Variants in LRRTM4 observed in about 807,000 individuals in gnomAD.
LRRTM4 encodes the protein leucine rich repeat transmembrane neuronal 4.
In LRRTM4, 25 loss-of-function variants were observed where a neutral mutation model predicts 47.6. The ratio of observed to expected loss-of-function variants is 0.53; its 90% CI spans 0.38 to 0.73. LRRTM4 has a LOEUF of 0.73. LRRTM4 is among the 30% of genes least tolerant of loss of function. LRRTM4 has a pLI of 0.00. For synonymous variants in LRRTM4, 311 were observed against 269.5 expected, an observed-to-expected ratio of 1.15 and a Z score of -1.51; for missense variants, 638 against 713.4, an observed-to-expected ratio of 0.89 and a Z score of 1.20.
intron 3 of LRRTM4, among the ~76,000 whole-genome samples, chr2:77,290,210 T>C (rs1301801799): frequency 6.6e-6 from 1 of 152,040 alleles, no homozygotes; most frequent in Admixed American, 6.6e-5. Context: ...CACTATATGA[T>C]ATTAATTCAA....
chr2:77,364,299 T>C (rs1672357242), intron 3 of LRRTM4, among the ~76,000 whole-genome samples: 1 of 152,082 alleles, frequency 6.6e-6, no homozygotes, highest in Non-Finnish European at 1.5e-5. Flanking sequence ...AAAAATTGAG[T>C]CTTCAAAATA....
At chr2:76,859,408 A>G (rs554785780) in intron 3 of LRRTM4, among the ~76,000 whole-genome samples, 1 of 152,316 alleles carries the variant, frequency 6.6e-6, no homozygotes, top group Non-Finnish European at 1.5e-5. Context: ...GATGTATTAT[A>G]TATTCAATAA....
chr2:76,866,710 G>A (rs1672479857), intron 3 of LRRTM4, among the ~76,000 whole-genome samples: 2 of 152,140 alleles, frequency 1.3e-5, no homozygotes, highest in South Asian at 4.1e-4. Flanking sequence ...TTTCCATGAT[G>A]TATATGTGTC....
intron 3 of LRRTM4, among the ~76,000 whole-genome samples, chr2:77,220,793 C>G (rs1558639962): frequency 6.6e-6 from 1 of 152,146 alleles, no homozygotes; most frequent in Non-Finnish European, 1.5e-5. Context: ...AGGATATTAT[C>G]CAAGAGAACT....
chr2:76,948,595 C>T (rs766860299), intron 3 of LRRTM4, among the ~76,000 whole-genome samples: 1 of 151,626 alleles, frequency 6.6e-6, no homozygotes, highest in Admixed American at 6.6e-5. Context: ...AACTTAATAA[C>T]AGCTCTTATA....
At chr2:76,802,323 A>G (rs1422262380) in intron 3 of LRRTM4, among the ~76,000 whole-genome samples, 3 of 152,068 alleles carry the variant, frequency 2.0e-5, no homozygotes, top group African/African-American at 7.2e-5. Flanking sequence ...GCATTTATAT[A>G]TACTAACAAC....
chr2:77,145,216 T>G (rs540768338), intron 3 of LRRTM4, among the ~76,000 whole-genome samples: 6 of 151,012 alleles, frequency 4.0e-5, no homozygotes, highest in Non-Finnish European at 4.4e-5. Context: ...TGTGTGTGTG[T>G]GTGTGTGTAT....
At chr2:77,112,274 T>C (rs1199546978) in intron 3 of LRRTM4, among the ~76,000 whole-genome samples, 2 of 152,228 alleles carry the variant, frequency 1.3e-5, no homozygotes, top group Non-Finnish European at 2.9e-5. Flanking sequence ...TTGTTTATGT[T>C]TTTCTTTCAA....
chr2:76,916,384 C>CAAAAAAAAAAAAAAAAAAAAAAAAAAAA (rs57874749), intron 3 of LRRTM4, among the ~76,000 whole-genome samples: 3 of 53,508 alleles, frequency 5.6e-5, no homozygotes, highest in African/African-American at 8.0e-5. Context: ...GACTGTGTCT[C>CAAAAAAAAAAAAAAAAAAAAAAAAAAAA]AAAAAAAAAA....
chr2:77,322,571 CAAT>C (rs1028894847), intron 3 of LRRTM4, among the ~76,000 whole-genome samples: 5 of 151,682 alleles, frequency 3.3e-5, no homozygotes. Flanking sequence ...ATTTTGTAGT[CAAT>C]GATAAAAACA....
intron 3 of LRRTM4, among the ~76,000 whole-genome samples, chr2:76,862,179 A>G (rs1672331547): frequency 6.6e-6 from 1 of 152,064 alleles, no homozygotes; most frequent in East Asian, 1.9e-4. Context: ...AAACAGAACT[A>G]TCATCTCTAA....
intron 3 of LRRTM4, among the ~76,000 whole-genome samples, chr2:77,201,600 A>T (rs1171181696): frequency 6.6e-6 from 1 of 152,164 alleles, no homozygotes; most frequent in African/African-American, 2.4e-5. Context: ...TTTTTCAAGT[A>T]GAAAAGACTA....
intron 3 of LRRTM4, among the ~76,000 whole-genome samples, chr2:77,484,500 T>G (rs568850792): frequency 1.5e-4 from 23 of 152,380 alleles, no homozygotes; most frequent in African/African-American, 4.6e-4. Flanking sequence ...GAGATTTGTC[T>G]GTGGTATGGG....
At chr2:77,431,832 T>C (rs1197778382) in intron 3 of LRRTM4, among the ~76,000 whole-genome samples, 1 of 148,838 alleles carries the variant, frequency 6.7e-6, no homozygotes, top group Non-Finnish European at 1.5e-5. Flanking sequence ...TCCCAGCACT[T>C]TGCGAGGCTG....
chr2:77,001,812 T>C (rs1677440078), intron 3 of LRRTM4, among the ~76,000 whole-genome samples: 1 of 152,196 alleles, frequency 6.6e-6, no homozygotes, highest in African/African-American at 2.4e-5. Flanking sequence ...TTCAACACTG[T>C]TGACAAAAGT....
At chr2:76,990,783 A>G (rs1216089893) in intron 3 of LRRTM4, among the ~76,000 whole-genome samples, 4 of 151,656 alleles carry the variant, frequency 2.6e-5, no homozygotes, top group Non-Finnish European at 5.9e-5. Context: ...TTAAATTTAT[A>G]CTTGACCAAT....
intron 3 of LRRTM4, among the ~76,000 whole-genome samples, chr2:76,777,987 C>G (rs1200872331): frequency 2.6e-3 from 366 of 138,664 alleles, no homozygotes; most frequent in African/African-American, 7.5e-3. Context: ...TGAATTTTGT[C>G]AAAGGCTTTT....
chr2:77,080,086 T>C (rs1289062301), intron 3 of LRRTM4, among the ~76,000 whole-genome samples: 7 of 152,196 alleles, frequency 4.6e-5, no homozygotes, highest in Non-Finnish European at 8.8e-5. Context: ...TTAAAATTAC[T>C]CTCATTAAAC....
intron 3 of LRRTM4, among the ~76,000 whole-genome samples, chr2:76,788,321 A>G (rs1558653462): frequency 1.3e-5 from 2 of 152,224 alleles, no homozygotes; most frequent in Admixed American, 6.5e-5. Flanking sequence ...TAGTCACATT[A>G]TTTGCCCTAG....
Sources: gnomAD v4.1 joint callset for allele counts (sites outside exome capture counted in the v4.1 genomes callset) on GRCh38, gnomAD v4.1.1 for gene constraint, MANE v1.5 for transcripts, NCBI Gene and HGNC (gene_info 2026-07-23, HGNC 2026-07-21) for gene names.